Variants in PCDHGB1 observed in about 807,000 individuals in gnomAD.
PCDHGB1 encodes the protein protocadherin gamma subfamily B, 1.
A neutral mutation model predicts 56.6 loss-of-function variants in PCDHGB1; 34 were observed. The ratio of observed to expected loss-of-function variants is 0.60; its 90% CI spans 0.46 to 0.80. PCDHGB1 has a LOEUF of 0.80. Among genes scored for constraint, PCDHGB1 ranks in the 30% least tolerant of loss-of-function variants. The pLI is 0.00. For synonymous variants in PCDHGB1, 561 were observed against 505.9 expected, an observed-to-expected ratio of 1.11 and a Z score of -1.46; for missense variants, 1,278 against 1,204.6, an observed-to-expected ratio of 1.06 and a Z score of -0.90.
intron 1 of PCDHGB1, chr5:141,370,328 G>T: frequency 1.4e-6 from 2 of 1,405,614 alleles, no homozygotes; most frequent in South Asian, 2.9e-5. Flanking sequence ...CCTGCTCGGA[G>T]AACTCTTGGG....
chr5:141,474,518 G>T (rs1054372142), intron 1 of PCDHGB1, among the ~76,000 whole-genome samples: 1 of 152,168 alleles, frequency 6.6e-6, no homozygotes, highest in African/African-American at 2.4e-5. Context: ...CCTCTTGCTG[G>T]TCTGGCTAAT....
chr5:141,384,523 C>T, intron 1 of PCDHGB1: 3 of 1,614,256 alleles, frequency 1.9e-6, no homozygotes, highest in South Asian at 1.1e-5. Context: ...GGACCCGCCT[C>T]TCAGCAGCAA....
chr5:141,415,588 A>G lies in PCDHGB1; in HGVS notation c.2409+62919A>G, dbSNP rs769216282. 3.3e-5 allele frequency: 53 copies of G among 1,613,874 alleles called. No individual in the cohort carries two copies. Among genetic ancestry groups the G allele is most frequent in the Admixed American group, 3.3e-5 (2 of 59,998 alleles). ...TTTGTTAGATGATTCGAAGTTTCCT[A>G]TAGAGGATACCCCATTGGTTCCAGT... On this transcript the variant is annotated intron_variant, in intron 1 of 3. Transcript: ENST00000523390.
intron 1 of PCDHGB1, chr5:141,394,299 C>G: frequency 6.2e-7 from 1 of 1,614,002 alleles, no homozygotes; most frequent in Middle Eastern, 1.6e-4. Context: ...CGAGGACACG[C>G]TGCAGGGGGC....
intron 1 of PCDHGB1, chr5:141,430,735 A>T (rs1255723102): frequency 6.7e-7 from 1 of 1,497,964 alleles, no homozygotes; most frequent in Non-Finnish European, 8.9e-7. Context: ...GGCAGAATTG[A>T]AAATAATTCT....
intron 1 of PCDHGB1, among the ~76,000 whole-genome samples, chr5:141,448,772 G>C (rs1034550563): frequency 1.5e-4 from 22 of 151,272 alleles, no homozygotes; most frequent in African/African-American, 3.7e-4. Context: ...AACCCCGTCT[G>C]TACTAAAAAT....
At chr5:141,471,078 T>C (rs1370939177) in intron 1 of PCDHGB1, among the ~76,000 whole-genome samples, 1 of 142,250 alleles carries the variant, frequency 7.0e-6, no homozygotes, top group Non-Finnish European at 1.5e-5. Context: ...AGACAGGGTC[T>C]CCCTCTGTTG....
chr5:141,497,384 A>G (rs2099776099), intron 2 of PCDHGB1, among the ~76,000 whole-genome samples: 1 of 151,900 alleles, frequency 6.6e-6, no homozygotes, highest in African/African-American at 2.4e-5. Context: ...TGGGGTGAGC[A>G]CCTTACCCCT....
At position 141,477,706 on chromosome 5, in the gene PCDHGB1, G is replaced by A. The variant is rs1490514142; in HGVS notation, c.2410-17101G>A. 6 of 1,613,988 alleles carry A rather than the reference G, an allele frequency of 3.7e-6. No homozygotes were observed. Among genetic ancestry groups the A allele is most frequent in the Non-Finnish European group, 5.1e-6 (6 of 1,180,044 alleles). ...TAGTGCCCCTAGACTATGAGGATCGGCGGGAATTTGAATTAACAGCTCATA... is the reference window on the plus strand; with the variant it reads ...TAGTGCCCCTAGACTATGAGGATCGACGGGAATTTGAATTAACAGCTCATA... On this transcript the variant is annotated intron_variant, in intron 1 of 3. Transcript: ENST00000523390. This position sits in a 1 kb window ranked among gnomAD's most constrained non-coding sequence, Gnocchi z 4.9.
At chr5:141,413,385 A>G (rs1328460811) in intron 1 of PCDHGB1, 23 of 1,613,870 alleles carry the variant, frequency 1.4e-5, no homozygotes, top group Non-Finnish European at 1.8e-5. Flanking sequence ...GAGTCCGCAT[A>G]GTCTCCAGAG....
At chr5:141,460,741 A>G (rs1378900827) in intron 1 of PCDHGB1, among the ~76,000 whole-genome samples, 1 of 152,128 alleles carries the variant, frequency 6.6e-6, no homozygotes, top group Non-Finnish European at 1.5e-5. Flanking sequence ...CACATTGTAT[A>G]TATATGTGTA....
rs960036450 is a variant in PCDHGB1 at position 141,352,784 on chromosome 5, G to A, written c.2409+115G>A. 1.8e-5 allele frequency: 19 copies of A among 1,081,118 alleles called. No homozygotes were observed. In the African/African-American group the frequency reaches 2.8e-4, roughly 16 times the overall value. The allele number at this position is 1,081,118 out of a possible 1,614,324, so 67.0% of individuals were successfully genotyped here. A position where few individuals can be genotyped will look rare whatever the true frequency, so the allele number is the denominator to read the frequency against. Reference sequence around the variant, plus strand: ...GCAGGTGGATCACTTGAGGTCAGGAGTTTGAGACCAGCATAGCCAAGATGG... The same window carrying A: ...GCAGGTGGATCACTTGAGGTCAGGAATTTGAGACCAGCATAGCCAAGATGG... On this transcript the variant is annotated intron_variant, in intron 1 of 3. Coordinates refer to ENST00000523390, the MANE Select transcript of PCDHGB1 (RefSeq NM_018922.3).
At chr5:141,403,945 A>C in intron 1 of PCDHGB1, 3 of 1,613,926 alleles carry the variant, frequency 1.9e-6, no homozygotes, top group Non-Finnish European at 2.5e-6. Flanking sequence ...AAGGGTGGAC[A>C]AAAGTGCTCA....
chr5:141,418,411 C>T, intron 1 of PCDHGB1: 1 of 1,613,986 alleles, frequency 6.2e-7, no homozygotes, highest in East Asian at 2.2e-5. Flanking sequence ...TGGAGAAAGA[C>T]AATCCTGATG....
At chr5:141,359,801 T>A (rs1761323974) in intron 1 of PCDHGB1, among the ~76,000 whole-genome samples, 1 of 152,190 alleles carries the variant, frequency 6.6e-6, no homozygotes, top group Non-Finnish European at 1.5e-5. Context: ...TCTTTTGAAT[T>A]TGGAACTATA....
At chr5:141,404,655 C>T (rs2094551486) in intron 1 of PCDHGB1, 1 of 1,614,062 alleles carries the variant, frequency 6.2e-7, no homozygotes, top group Non-Finnish European at 8.5e-7. Flanking sequence ...CCTGCCCTCC[C>T]CACTGATGGT....
chr5:141,503,046 G>T (rs1187153008), intron 2 of PCDHGB1, among the ~76,000 whole-genome samples: 1 of 151,658 alleles, frequency 6.6e-6, no homozygotes, highest in Non-Finnish European at 1.5e-5. Flanking sequence ...GTTGAGACAG[G>T]GTTTCACCAT....
chr5:141,350,996 G>A lies in PCDHGB1; in HGVS notation c.736G>A (p.Val246Ile). ...APVFSQEVYRVSLQENVPWGT... is the reference protein window; with the variant it reads ...APVFSQEVYRISLQENVPWGT... Reference sequence around the variant, plus strand: ...CGTGTTTAGCCAGGAGGTATACAGGGTTAGCCTCCAAGAAAACGTACCGTG... The same window carrying A: ...CGTGTTTAGCCAGGAGGTATACAGGATTAGCCTCCAAGAAAACGTACCGTG... The change falls in exon 1 of 4, where the codon GTT becomes ATT. Residue 246 changes from valine to isoleucine, a missense_variant. Coordinates refer to ENST00000523390, the MANE Select transcript of PCDHGB1 (RefSeq NM_018922.3). 1 of 1,614,066 alleles carries A rather than the reference G, an allele frequency of 6.2e-7. No individual in the cohort carries two copies. The highest frequency in any genetic ancestry group is 8.5e-7 in the Non-Finnish European group (1 of 1,179,904).
At chr5:141,361,157 A>T in intron 1 of PCDHGB1, 2 of 1,613,974 alleles carry the variant, frequency 1.2e-6, no homozygotes, top group Non-Finnish European at 1.7e-6. Flanking sequence ...CTTGATGACA[A>T]CGATTGTGCA....
Sources: gnomAD v4.1 joint callset for allele counts (sites outside exome capture counted in the v4.1 genomes callset) on GRCh38, gnomAD v4.1.1 for gene constraint, Gnocchi (gnomAD v3.1) non-coding constraint, MANE v1.5 for transcripts, NCBI Gene and HGNC (gene_info 2026-07-23, HGNC 2026-07-21) for gene names.